PPARD: variants seen among roughly 807,000 people sequenced by gnomAD.
PPARD encodes the protein peroxisome proliferator-activated receptor delta.
PPARD carries 6 observed loss-of-function variants against 39.5 expected under a neutral mutation model. The observed-to-expected ratio is 0.15, with a 90% CI of 0.08 to 0.30. The LOEUF is 0.30. Among genes scored for constraint, PPARD ranks in the 10% least tolerant of loss-of-function variants. The pLI, the probability that PPARD is intolerant of heterozygous loss-of-function variation, is 1.00. For missense variants in PPARD, 397 were observed against 596.8 expected, an observed-to-expected ratio of 0.67 and a Z score of 3.49; for synonymous variants, 210 against 231.3, an observed-to-expected ratio of 0.91 and a Z score of 0.83.
chr6:35,360,697 A>C (rs565740454), intron 2 of PPARD, among the ~76,000 whole-genome samples: 1 of 152,188 alleles, frequency 6.6e-6, no homozygotes, highest in African/African-American at 2.4e-5. Flanking sequence ...CCCTCTCAAC[A>C]TGGGCCCTGC....
chr6:35,413,161 C>T (rs1765535892), intron 3 of PPARD, among the ~76,000 whole-genome samples: 1 of 152,216 alleles, frequency 6.6e-6, no homozygotes, highest in Non-Finnish European at 1.5e-5. Context: ...TCCCAAATAG[C>T]ATCACTGTTC....
At chr6:35,345,332 C>T (rs1326516872) in intron 1 of PPARD, among the ~76,000 whole-genome samples, 1 of 152,128 alleles carries the variant, frequency 6.6e-6, no homozygotes, top group Non-Finnish European at 1.5e-5. Flanking sequence ...ATTGCCCAGG[C>T]TGGAGTGCAG....
chr6:35,402,612 T>G (rs1286430726), intron 2 of PPARD, among the ~76,000 whole-genome samples: 3 of 152,148 alleles, frequency 2.0e-5, no homozygotes, highest in African/African-American at 7.2e-5. Flanking sequence ...TGGCTGTCTT[T>G]TCTCTGGTTC....
intron 2 of PPARD, among the ~76,000 whole-genome samples, chr6:35,358,908 G>A (rs1479130908): frequency 6.6e-6 from 1 of 152,224 alleles, no homozygotes; most frequent in Non-Finnish European, 1.5e-5. Context: ...TGAGGTGGGG[G>A]AAGTGGAGGG....
At chr6:35,361,253 G>C (rs1224300929) in intron 2 of PPARD, among the ~76,000 whole-genome samples, 1 of 152,192 alleles carries the variant, frequency 6.6e-6, no homozygotes, top group Non-Finnish European at 1.5e-5. Flanking sequence ...TAAAGGCACA[G>C]AGGAGGCACT....
intron 3 of PPARD, among the ~76,000 whole-genome samples, chr6:35,415,778 CTGTGTGTG>C (rs369825175): frequency 3.5e-5 from 5 of 143,856 alleles, no homozygotes; most frequent in Admixed American, 1.4e-4. Flanking sequence ...GAAGGAGAAC[CTGTGTGTG>C]TGTGTGTGTG....
At position 35,401,874 on chromosome 6, in the gene PPARD, T is replaced by C. The variant is rs1010187160; in HGVS notation, c.-101-9113T>C. Among the ~76,000 whole-genome samples, 5 of 152,080 alleles carry C rather than the reference T, an allele frequency of 3.3e-5. No individual in the cohort carries two copies. The highest frequency in any genetic ancestry group is 5.9e-5 in the Non-Finnish European group (4 of 68,008). On this transcript the variant is annotated intron_variant, in intron 2 of 7. Transcript: ENST00000360694. The surrounding 1 kb of genome is among the most constrained non-coding windows in gnomAD (Gnocchi z 4.1). ...GGGGCAGGGACAGTGTCCACAACCA[T>C]AGCCCCTGTGGTCTTAGCTGAGAAG...
In PPARD at chr6:35,363,185, G is replaced by A. The variant is rs1423144999; in HGVS notation, c.-102+16035G>A. 2.6e-5 allele frequency among the ~76,000 whole-genome samples: 4 copies of A among 152,222 alleles called. No individual in the cohort carries two copies. The highest frequency in any genetic ancestry group is 4.4e-5 in the Non-Finnish European group (3 of 68,034). On this transcript the variant is annotated intron_variant, in intron 2 of 7. Coordinates refer to ENST00000360694, the MANE Select transcript of PPARD (RefSeq NM_006238.5). This position sits in a 1 kb window ranked among gnomAD's most constrained non-coding sequence, Gnocchi z 4.5. Reference sequence around the variant, plus strand: ...AATAAAATGGGGTCTCTGGCAGTAGGCAAGGAGAAGGCCTTTCTGAGCACT... The same window carrying A: ...AATAAAATGGGGTCTCTGGCAGTAGACAAGGAGAAGGCCTTTCTGAGCACT...
chr6:35,351,860 C>CG (rs1761272087), intron 2 of PPARD, among the ~76,000 whole-genome samples: 1 of 133,566 alleles, frequency 7.5e-6, no homozygotes, highest in African/African-American at 3.1e-5. Context: ...CCACACCCAG[C>CG]CTTTTTTTTT....
At chr6:35,355,924 A>T (rs1332637768) in intron 2 of PPARD, among the ~76,000 whole-genome samples, 2 of 147,400 alleles carry the variant, frequency 1.4e-5, no homozygotes, top group South Asian at 2.2e-4. Flanking sequence ...TTCTTATATA[A>T]TTTTTTTTTT....
At chr6:35,347,642 C>A (rs531720832) in intron 2 of PPARD, among the ~76,000 whole-genome samples, 2 of 152,082 alleles carry the variant, frequency 1.3e-5, no homozygotes, top group African/African-American at 4.8e-5. Flanking sequence ...AAGTCTTGCT[C>A]TTGTCCCCCA....
In PPARD at chr6:35,424,236, C is replaced by T; in HGVS notation, c.627+88C>T. The T allele has an allele frequency of 1.3e-6, 2 of 1,591,568 alleles. No homozygotes were observed. Among genetic ancestry groups the T allele is most frequent in the East Asian group, 2.2e-5 (1 of 44,448 alleles). On this transcript the variant is annotated intron_variant, in intron 6 of 7. Transcript: ENST00000360694. This position sits in a 1 kb window ranked among gnomAD's most constrained non-coding sequence, Gnocchi z 7.1. Reference sequence around the variant, plus strand: ...TGACTCCGGGAGAGCCAGGCCTTCTCCCTCCCTCAACTTCATGGTGCAGGC... The same window carrying T: ...TGACTCCGGGAGAGCCAGGCCTTCTTCCTCCCTCAACTTCATGGTGCAGGC...
chr6:35,352,324 C>T (rs1761308758), intron 2 of PPARD, among the ~76,000 whole-genome samples: 1 of 152,112 alleles, frequency 6.6e-6, no homozygotes, highest in Admixed American at 6.5e-5. Context: ...GCTGGGACCA[C>T]AGGCGCGCAC....
At position 35,342,645 on chromosome 6, in the gene PPARD, G is replaced by C. The variant is rs907049863; in HGVS notation, c.-222G>C. On this transcript the variant is annotated 5_prime_UTR_variant, in exon 1 of 8. Transcript: ENST00000360694. ...AGCGGGAGAATTCTGCGGAGCCTGC[G>C]GGACGGCGGCGGTGGCGCCGTAGGC... is the stretch of plus-strand genomic sequence containing the variant. The C allele has an allele frequency of 1.3e-5, 2 of 152,868 alleles. No individual in the cohort carries two copies. Among genetic ancestry groups the C allele is most frequent in the African/African-American group, 2.4e-5 (1 of 41,484 alleles). 9.5% of individuals were successfully genotyped at this position (152,868 alleles called of 1,614,324 possible). A position where few individuals can be genotyped will look rare whatever the true frequency, so the allele number is the denominator to read the frequency against.
At chr6:35,355,474 C>T (rs1208430551) in intron 2 of PPARD, among the ~76,000 whole-genome samples, 1 of 145,616 alleles carries the variant, frequency 6.9e-6, no homozygotes, top group Non-Finnish European at 1.5e-5. Context: ...ATCACTCAAG[C>T]CGAGGAGGTT....
At chr6:35,403,674 A>C (rs1000019728) in intron 2 of PPARD, among the ~76,000 whole-genome samples, 1 of 152,230 alleles carries the variant, frequency 6.6e-6, no homozygotes, top group Admixed American at 6.5e-5. Context: ...AGGCCAGAGC[A>C]GTTAGCAGAC....
Position 35,424,889 on chromosome 6 carries a change from C to A in PPARD, c.1078+110C>A. 1 of 1,483,350 alleles carries A rather than the reference C, an allele frequency of 6.7e-7. No individual in the cohort carries two copies. Among genetic ancestry groups the A allele is most frequent in the Admixed American group, 2.3e-5 (1 of 43,070 alleles). 91.9% of individuals were successfully genotyped at this position (1,483,350 alleles called of 1,614,324 possible). A position where few individuals can be genotyped will look rare whatever the true frequency, so the allele number is the denominator to read the frequency against. ...GCTCTGACAGTGTGGGGAAGTGTCC[C>A]TGTGATCTTGGCAGTGGAACATGCA... On this transcript the variant is annotated intron_variant, in intron 7 of 7. Transcript: ENST00000360694. This position sits in a 1 kb window ranked among gnomAD's most constrained non-coding sequence, Gnocchi z 7.1.
chr6:35,407,749 C>T (rs6906237), intron 2 of PPARD, among the ~76,000 whole-genome samples: 4 of 149,636 alleles, frequency 2.7e-5, no homozygotes, highest in African/African-American at 4.9e-5. Context: ...CTCTCCATGC[C>T]GAGTCTGAAT....
In PPARD at chr6:35,366,334, A is replaced by G. The variant is rs1762208222; in HGVS notation, c.-102+19184A>G. On this transcript the variant is annotated intron_variant, in intron 2 of 7. Coordinates refer to ENST00000360694, the MANE Select transcript of PPARD (RefSeq NM_006238.5). The surrounding 1 kb of genome is among the most constrained non-coding windows in gnomAD (Gnocchi z 4.6). ...GAGCCATGATTGTGGACAATCTTAC[A>G]TACTTAGCTGAGAGGTTGTCAGAGA... is the stretch of plus-strand genomic sequence containing the variant. 2.0e-5 allele frequency among the ~76,000 whole-genome samples: 3 copies of G among 151,698 alleles called. No homozygotes were observed. The highest frequency in any genetic ancestry group is 4.4e-5 in the Non-Finnish European group (3 of 68,034).
Sources: gnomAD v4.1 joint callset for allele counts (sites outside exome capture counted in the v4.1 genomes callset) on GRCh38, gnomAD v4.1.1 for gene constraint, Gnocchi (gnomAD v3.1) non-coding constraint, MANE v1.5 for transcripts, NCBI Gene and HGNC (gene_info 2026-07-23, HGNC 2026-07-21) for gene names.